DOCK3: variants seen among roughly 807,000 people sequenced by gnomAD.
DOCK3 encodes the protein dedicator of cytokinesis 3.
A neutral mutation model predicts 265.6 loss-of-function variants in DOCK3; 60 were observed. The observed-to-expected ratio is 0.23, with a 90% CI of 0.18 to 0.28. The LOEUF is 0.28. Among genes scored for constraint, DOCK3 ranks in the 10% least tolerant of loss-of-function variants. The pLI, the probability that DOCK3 is intolerant of heterozygous loss-of-function variation, is 1.00. For missense variants in DOCK3, 1,981 were observed against 2,594.3 expected (o/e 0.76, Z 5.14); for synonymous variants, 881 against 938.0 (o/e 0.94, Z 1.11).
chr3:50,863,070 A>G lies in DOCK3; in HGVS notation c.162+21355A>G, dbSNP rs78847349. Among the ~76,000 whole-genome samples, 6 of 152,276 alleles carry G rather than the reference A, an allele frequency of 3.9e-5. No homozygotes were observed. In the East Asian group the frequency reaches 1.2e-3, roughly 29 times the overall value. On this transcript the variant is annotated intron_variant, in intron 3 of 52. Coordinates refer to ENST00000266037, the MANE Select transcript of DOCK3 (RefSeq NM_004947.5). ...CTACTCCTATGTTTTATTTGTGCCA[A>G]CGAGGGCTTTGGTGGGCTGCACTTC...
intron 5 of DOCK3, among the ~76,000 whole-genome samples, chr3:50,983,689 C>G (rs894991884): frequency 6.6e-6 from 1 of 152,162 alleles, no homozygotes; most frequent in African/African-American, 2.4e-5. Context: ...CTTTGTCTTG[C>G]TCATCCTCCA....
intron 9 of DOCK3, among the ~76,000 whole-genome samples, chr3:51,119,562 T>C (rs1274063937): frequency 6.6e-6 from 1 of 152,204 alleles, no homozygotes; most frequent in Non-Finnish European, 1.5e-5. Context: ...ATGTGTGTTT[T>C]CCAACATGGT....
At chr3:51,331,799 A>C (rs748211695) in intron 33 of DOCK3, among the ~76,000 whole-genome samples, 5 of 152,212 alleles carry the variant, frequency 3.3e-5, no homozygotes, top group Non-Finnish European at 7.3e-5. Context: ...CTCAAAAAAG[A>C]AAAAATAAAG....
intron 3 of DOCK3, among the ~76,000 whole-genome samples, chr3:50,852,896 A>T (rs538019526): frequency 1.3e-3 from 195 of 152,252 alleles, no homozygotes; most frequent in South Asian, 4.4e-3. Flanking sequence ...ATTTCTTTTT[A>T]AAAAAATTGA....
intron 7 of DOCK3, among the ~76,000 whole-genome samples, chr3:51,086,778 A>G (rs967408567): frequency 6.6e-6 from 1 of 152,234 alleles, no homozygotes; most frequent in Non-Finnish European, 1.5e-5. Flanking sequence ...AGCCTGGGCG[A>G]CAGAGTGAGA....
intron 3 of DOCK3, among the ~76,000 whole-genome samples, chr3:50,858,078 C>T (rs2046700645): frequency 6.6e-6 from 1 of 152,166 alleles, no homozygotes; most frequent in Non-Finnish European, 1.5e-5. Context: ...CACATATATA[C>T]CATGGAATAC....
chr3:50,871,494 G>A (rs1395673162), intron 3 of DOCK3, among the ~76,000 whole-genome samples: 1 of 151,592 alleles, frequency 6.6e-6, no homozygotes, highest in Non-Finnish European at 1.5e-5. Flanking sequence ...ATGTCTTGAG[G>A]TAGTCCTCTG....
intron 3 of DOCK3, among the ~76,000 whole-genome samples, chr3:50,852,486 T>A (rs2046390332): frequency 6.6e-6 from 1 of 152,218 alleles, no homozygotes; most frequent in South Asian, 2.1e-4. Context: ...TTTATTATGG[T>A]TATCTAACTT....
chr3:50,759,910 C>T (rs1199119706), intron 1 of DOCK3, among the ~76,000 whole-genome samples: 1 of 151,186 alleles, frequency 6.6e-6, no homozygotes. Flanking sequence ...AGTTCTTTAT[C>T]CTGTCAGTTA....
intron 5 of DOCK3, among the ~76,000 whole-genome samples, chr3:50,984,809 TAAAAC>T (rs1345494735): frequency 6.6e-6 from 1 of 152,080 alleles, no homozygotes; most frequent in South Asian, 2.1e-4. Context: ...AAAAAATAAA[TAAAAC>T]AAAACAGAAA....
intron 10 of DOCK3, among the ~76,000 whole-genome samples, chr3:51,158,837 CTTAT>C (rs1483065542): frequency 1.3e-5 from 2 of 152,128 alleles, no homozygotes; most frequent in Non-Finnish European, 2.9e-5. Flanking sequence ...GGAGAACAAA[CTTAT>C]AGAATTTTAG....
intron 9 of DOCK3, among the ~76,000 whole-genome samples, chr3:51,117,380 G>A (rs1226583664): frequency 6.6e-6 from 1 of 152,000 alleles, no homozygotes; most frequent in African/African-American, 2.4e-5. Flanking sequence ...ATTTTATTGA[G>A]GATTTTTGCA....
chr3:51,319,226 A>T (rs932237681), intron 32 of DOCK3, among the ~76,000 whole-genome samples: 5 of 152,172 alleles, frequency 3.3e-5, no homozygotes, highest in Non-Finnish European at 5.9e-5. Flanking sequence ...TTTTTTATAG[A>T]TTCTTTTTAT....
chr3:51,177,333 T>C (rs779753373), intron 12 of DOCK3, among the ~76,000 whole-genome samples: 2 of 152,268 alleles, frequency 1.3e-5, no homozygotes, highest in Non-Finnish European at 2.9e-5. Flanking sequence ...TTATTCTTTA[T>C]GATCAGCATT....
At chr3:50,794,865 A>G (rs914951867) in intron 2 of DOCK3, among the ~76,000 whole-genome samples, 2 of 152,152 alleles carry the variant, frequency 1.3e-5, no homozygotes, top group Non-Finnish European at 2.9e-5. Flanking sequence ...GGTGGCTGGT[A>G]GTGGTCTTTC....
intron 32 of DOCK3, 144 bp downstream of exon 32, chr3:51,315,272 C>A: frequency 9.5e-7 from 1 of 1,048,078 alleles, no homozygotes; most frequent in Non-Finnish European, 1.3e-6. Context: ...TTTTCCCTTA[C>A]TTGCTGGCCA....
chr3:50,786,755 A>C, intron 2 of DOCK3: 1 of 736,526 alleles, frequency 1.4e-6, no homozygotes, highest in Non-Finnish European at 2.6e-6. Flanking sequence ...CTTCGTGTTG[A>C]AATCCTTGCC....
At chr3:51,251,324 A>G (rs981820374) in intron 22 of DOCK3, among the ~76,000 whole-genome samples, 3 of 152,168 alleles carry the variant, frequency 2.0e-5, no homozygotes, top group Non-Finnish European at 4.4e-5. Context: ...TGCCGCAGTA[A>G]ACATACATGT....
At chr3:51,176,500 C>T (rs895786913) in intron 12 of DOCK3, among the ~76,000 whole-genome samples, 1 of 152,002 alleles carries the variant, frequency 6.6e-6, no homozygotes, top group African/African-American at 2.4e-5. Context: ...GTGGCGGGTG[C>T]CTGTAGTCCC....
Sources: allele counts gnomAD v4.1 joint callset (sites outside exome capture counted in the v4.1 genomes callset), GRCh38; gene constraint gnomAD v4.1.1; transcripts MANE v1.5; gene names NCBI Gene and HGNC (gene_info 2026-07-23, HGNC 2026-07-21).